Variants in SHANK2 observed in about 807,000 individuals in gnomAD.
SHANK2 encodes the protein SH3 and multiple ankyrin repeat domains 2.
In SHANK2, 43 loss-of-function variants were observed where a neutral mutation model predicts 133.7. That is an observed-to-expected ratio of 0.32 (90% CI 0.25 to 0.41). The LOEUF (loss-of-function observed/expected upper bound fraction) is 0.41. Among genes scored for constraint, SHANK2 ranks in the 10% least tolerant of loss-of-function variants. The pLI, the probability that SHANK2 is intolerant of heterozygous loss-of-function variation, is 1.00. For missense variants in SHANK2, 1,994 were observed against 2,235.8 expected, an observed-to-expected ratio of 0.89 and a Z score of 2.18; for synonymous variants, 1,017 against 952.8, an observed-to-expected ratio of 1.07 and a Z score of -1.24.
At chr11:70,813,256 A>C (rs1555053569) in intron 12 of SHANK2, among the ~76,000 whole-genome samples, 1 of 152,130 alleles carries the variant, frequency 6.6e-6, no homozygotes, top group African/African-American at 2.4e-5. Flanking sequence ...TACCCACAAA[A>C]GGCTACAAGA....
At chr11:70,823,293 T>C (rs1424464283) in intron 11 of SHANK2, among the ~76,000 whole-genome samples, 12 of 51,668 alleles carry the variant, frequency 2.3e-4, no homozygotes, top group Admixed American at 7.5e-4. Context: ...GCTGGCAGAG[T>C]TCATGGGGGA....
At chr11:71,091,836 T>G (rs181123249) in intron 8 of SHANK2, among the ~76,000 whole-genome samples, 53 of 152,232 alleles carry the variant, frequency 3.5e-4, no homozygotes, top group African/African-American at 1.2e-3. Flanking sequence ...CCAAGACTGC[T>G]CTTCTATGGG....
At chr11:71,168,430 G>A (rs1430489800) in intron 2 of SHANK2, among the ~76,000 whole-genome samples, 2 of 151,854 alleles carry the variant, frequency 1.3e-5, no homozygotes, top group South Asian at 2.1e-4. Flanking sequence ...GGTGGCGGCC[G>A]GGCAGAGGCT....
At chr11:71,101,152 A>G (rs782756702) in intron 6 of SHANK2, among the ~76,000 whole-genome samples, 12 of 152,170 alleles carry the variant, frequency 7.9e-5, no homozygotes, top group Non-Finnish European at 1.8e-4. Context: ...GTGAAAGTGC[A>G]TAGGGGAAAA....
intron 14 of SHANK2, among the ~76,000 whole-genome samples, chr11:70,732,944 C>A (rs782583023): frequency 6.6e-6 from 1 of 152,220 alleles, no homozygotes; most frequent in Non-Finnish European, 1.5e-5. Flanking sequence ...ACACACAGCC[C>A]GCGCGAATAG....
intron 2 of SHANK2, among the ~76,000 whole-genome samples, chr11:71,184,540 G>C (rs1953633461): frequency 6.6e-6 from 1 of 152,194 alleles, no homozygotes; most frequent in African/African-American, 2.4e-5. Context: ...CCCGAGGGCT[G>C]GCTCTGTAGA....
At chr11:70,690,751 G>T (rs1945272829) in intron 15 of SHANK2, among the ~76,000 whole-genome samples, 1 of 150,314 alleles carries the variant, frequency 6.7e-6, no homozygotes. Flanking sequence ...TGTCTAAAAT[G>T]TATTAAACAA....
intron 17 of SHANK2, among the ~76,000 whole-genome samples, chr11:70,571,572 C>G (rs2060045939): frequency 6.6e-6 from 1 of 152,180 alleles, no homozygotes; most frequent in African/African-American, 2.4e-5. Flanking sequence ...GTCCCCTGAC[C>G]CCACAGGCTA....
At chr11:70,653,567 CAAAAAAA>C (rs1157982312) in intron 17 of SHANK2, among the ~76,000 whole-genome samples, 61 of 61,802 alleles carry the variant, frequency 9.9e-4, no homozygotes, top group Admixed American at 1.7e-3. Context: ...CTCAGCCTTC[CAAAAAAA>C]AAAAAAAAAA....
intron 17 of SHANK2, among the ~76,000 whole-genome samples, chr11:70,508,379 G>C (rs561645581): frequency 1.9e-4 from 29 of 152,332 alleles, no homozygotes; most frequent in African/African-American, 7.0e-4. Flanking sequence ...CTAAGTCCTG[G>C]GGCGGGGCAG....
Position 71,070,354 on chromosome 11 carries a change from G to C in SHANK2, c.1029+4805C>G, listed in dbSNP as rs1951127369. ...ACTGACACTGTAGCCAGAGGTCAAG[G>C]GGCCAACCAGTCCAGAGCCTATGAC... On this transcript the variant is annotated intron_variant, in intron 9 of 25. Coordinates refer to ENST00000601538, the MANE Select transcript of SHANK2 (RefSeq NM_012309.5). Among the ~76,000 whole-genome samples, 3 of 152,214 alleles carry C rather than the reference G, an allele frequency of 2.0e-5. No individual in the cohort carries two copies. In the South Asian group the frequency reaches 6.2e-4, roughly 32 times the overall value.
chr11:71,170,283 A>C (rs1228274135), intron 2 of SHANK2, among the ~76,000 whole-genome samples: 2 of 152,224 alleles, frequency 1.3e-5, no homozygotes, highest in African/African-American at 4.8e-5. Flanking sequence ...AGATTGTGCA[A>C]AATGCTAGAC....
intron 9 of SHANK2, among the ~76,000 whole-genome samples, chr11:71,065,284 G>C (rs1406843138): frequency 6.6e-6 from 1 of 151,898 alleles, no homozygotes; most frequent in Non-Finnish European, 1.5e-5. Flanking sequence ...AACAGTGAGT[G>C]GGGAAGTTGG....
At chr11:70,678,788 G>A (rs1469312150) in intron 15 of SHANK2, among the ~76,000 whole-genome samples, 1 of 151,990 alleles carries the variant, frequency 6.6e-6, no homozygotes, top group African/African-American at 2.4e-5. Flanking sequence ...TGATCCGCCC[G>A]CCTCGGCCTC....
intron 9 of SHANK2, among the ~76,000 whole-genome samples, chr11:71,069,179 GCACCATCACTATCAACCACCATCAT>G (rs1951109288): frequency 7.0e-6 from 1 of 142,504 alleles, no homozygotes; most frequent in East Asian, 2.2e-4. Context: ...ACCATCATCA[GCACCATCACTATCAACCACCATCAT>G]CACCATCACT....
intron 3 of SHANK2, among the ~76,000 whole-genome samples, chr11:71,145,046 C>T (rs1242203388): frequency 6.6e-6 from 1 of 152,176 alleles, no homozygotes; most frequent in Non-Finnish European, 1.5e-5. Context: ...TCATTTATAG[C>T]TTTTATAAGA....
At chr11:70,650,114 T>C (rs962947454) in intron 17 of SHANK2, among the ~76,000 whole-genome samples, 3 of 152,178 alleles carry the variant, frequency 2.0e-5, no homozygotes, top group Non-Finnish European at 4.4e-5. Flanking sequence ...CAGGGCAACC[T>C]GAGGGTGCCA....
Position 70,772,317 on chromosome 11 carries a change from GTAATCCTAGCTACTC to G in SHANK2, c.1777+26111_1777+26125del, listed in dbSNP as rs1947268112. 3.3e-5 allele frequency among the ~76,000 whole-genome samples: 5 copies of G among 151,960 alleles called. 1 individual carries two copies. The South Asian group carries it at 1.0e-3, about 32-fold the overall frequency. On this transcript the variant is annotated intron_variant, in intron 14 of 25. Coordinates refer to ENST00000601538, the MANE Select transcript of SHANK2 (RefSeq NM_012309.5). ...TAGCTGGGGGTGGTGGCGCGCGCCT[GTAATCCTAGCTACTC>G]GGGAGGCTGAGGCAGGAGAATCGCT... is the stretch of plus-strand genomic sequence containing the variant.
Position 71,147,171 on chromosome 11 carries a change from G to C in SHANK2, c.156C>G (p.Ser52Arg). ...CGCGGATCACCAGCGTGTTGCCCTGGCTCTCCTCCGTCCTGGCACCGCCCG... is the reference window on the plus strand; with the variant it reads ...CGCGGATCACCAGCGTGTTGCCCTGCCTCTCCTCCGTCCTGGCACCGCCCG... ...EKPGGARTEE[S>R]QGNTLVIRVV... The change falls in exon 3 of 26, where the codon AGC becomes AGG. Residue 52 changes from serine (S) to arginine (R), a missense_variant. Physicochemically the swap from Ser to Arg is moderately radical, Grantham distance 110 (BLOSUM62 -1). Around this residue, in one of 5 missense-constraint regions of SHANK2, gnomAD observed 653 missense variants for 563.4 expected, o/e 1.16. Transcript: ENST00000601538. 1 of 1,550,458 alleles carries C rather than the reference G, an allele frequency of 6.4e-7. No homozygotes were observed. The highest frequency in any genetic ancestry group is 8.7e-7 in the Non-Finnish European group (1 of 1,146,934).
Sources: gnomAD v4.1 joint callset for allele counts (sites outside exome capture counted in the v4.1 genomes callset) on GRCh38, gnomAD v4.1.1 for gene constraint, gnomAD v4.1.1 regional missense constraint, MANE v1.5 for transcripts, NCBI Gene and HGNC (gene_info 2026-07-23, HGNC 2026-07-21) for gene names.